The following MYRIP variants were observed in gnomAD, a reference collection of about 807,000 sequenced individuals.
MYRIP encodes the protein rab effector MyRIP.
Under a neutral mutation model 98.0 loss-of-function variants are expected in MYRIP, and 49 were observed. The observed-to-expected ratio is 0.50, with a 90% CI of 0.40 to 0.63. The LOEUF is 0.63. MYRIP is among the 30% of genes least tolerant of loss of function. The pLI, the probability that MYRIP is intolerant of heterozygous loss-of-function variation, is 0.00. For missense variants in MYRIP, 1,004 were observed against 1,058.2 expected (o/e 0.95, Z 0.71); for synonymous variants, 404 against 409.5 (o/e 0.99, Z 0.16).
intron 2 of MYRIP, among the ~76,000 whole-genome samples, chr3:39,950,993 C>T (rs891890788): frequency 6.6e-6 from 1 of 152,126 alleles, no homozygotes; most frequent in Non-Finnish European, 1.5e-5. Flanking sequence ...CACAGAGAAA[C>T]TGGTTATTAG....
At chr3:40,058,809 G>GT (rs1559383343) in intron 3 of MYRIP, among the ~76,000 whole-genome samples, 1 of 151,916 alleles carries the variant, frequency 6.6e-6, no homozygotes, top group Non-Finnish European at 1.5e-5. Context: ...TATACTTTAA[G>GT]TTCTGGGATA....
chr3:39,882,493 A>G (rs1418054573), intron 1 of MYRIP, among the ~76,000 whole-genome samples: 2 of 152,136 alleles, frequency 1.3e-5, no homozygotes, highest in Admixed American at 6.6e-5. Flanking sequence ...TAATTTGTCT[A>G]TTTTTGTCAG....
At chr3:40,156,325 G>A (rs540435671) in intron 4 of MYRIP, among the ~76,000 whole-genome samples, 24 of 152,118 alleles carry the variant, frequency 1.6e-4, no homozygotes, top group African/African-American at 5.8e-4. Context: ...TTATTTCTGA[G>A]GGCTCTGTTC....
At chr3:40,126,865 C>T (rs1949535739) in intron 3 of MYRIP, among the ~76,000 whole-genome samples, 1 of 152,234 alleles carries the variant, frequency 6.6e-6, no homozygotes, top group Non-Finnish European at 1.5e-5. Flanking sequence ...ATCCTCAATG[C>T]TGAGCAGTCG....
At chr3:39,995,351 T>A (rs1946317006) in intron 2 of MYRIP, among the ~76,000 whole-genome samples, 1 of 152,276 alleles carries the variant, frequency 6.6e-6, no homozygotes, top group South Asian at 2.1e-4. Flanking sequence ...AAGGACCTGA[T>A]GGAGCTGAAA....
chr3:39,826,139 CTATT>C (rs1247872693), intron 1 of MYRIP, among the ~76,000 whole-genome samples: 3 of 150,874 alleles, frequency 2.0e-5, no homozygotes, highest in Middle Eastern at 3.2e-3. Context: ...TTTTTGTTAT[CTATT>C]GTATTTTTTT....
At chr3:39,845,912 T>C (rs967524469) in intron 1 of MYRIP, among the ~76,000 whole-genome samples, 2 of 148,544 alleles carry the variant, frequency 1.3e-5, no homozygotes, top group African/African-American at 5.0e-5. Context: ...AATGAACAGG[T>C]AAAAACACTT....
At chr3:40,196,919 C>T (rs1290199700) in intron 10 of MYRIP, among the ~76,000 whole-genome samples, 1 of 152,138 alleles carries the variant, frequency 6.6e-6, no homozygotes, top group African/African-American at 2.4e-5. Context: ...GATGCTTCAC[C>T]TCATGGGCCA....
At chr3:40,045,178 G>A (rs371434417) in intron 3 of MYRIP, among the ~76,000 whole-genome samples, 3 of 151,974 alleles carry the variant, frequency 2.0e-5, no homozygotes, top group East Asian at 1.9e-4. Context: ...CTGTTTACTC[G>A]CTTGTATCCT....
At chr3:40,254,580 G>A (rs1953509962) in intron 16 of MYRIP, among the ~76,000 whole-genome samples, 1 of 152,070 alleles carries the variant, frequency 6.6e-6, no homozygotes, top group Non-Finnish European at 1.5e-5. Context: ...TACAGATCTT[G>A]GAGCTCACTA....
intron 1 of MYRIP, among the ~76,000 whole-genome samples, chr3:39,863,847 A>C (rs1263603994): frequency 6.6e-6 from 1 of 152,094 alleles, no homozygotes; most frequent in African/African-American, 2.4e-5. Flanking sequence ...CAACAACAAC[A>C]ACAACAAACT....
intron 8 of MYRIP, among the ~76,000 whole-genome samples, chr3:40,177,284 C>T (rs574767357): frequency 1.6e-3 from 250 of 152,282 alleles, no homozygotes; most frequent in Admixed American, 4.2e-3. Context: ...GGAGCCAGGG[C>T]TTCCATATGA....
intron 2 of MYRIP, among the ~76,000 whole-genome samples, chr3:40,021,881 A>G (rs1947008462): frequency 6.6e-6 from 1 of 152,222 alleles, no homozygotes; most frequent in Non-Finnish European, 1.5e-5. Context: ...TGTGAAAACC[A>G]CTTGTCATCA....
At chr3:40,118,380 C>A (rs559739037) in intron 3 of MYRIP, among the ~76,000 whole-genome samples, 6 of 152,152 alleles carry the variant, frequency 3.9e-5, no homozygotes, top group South Asian at 2.1e-4. Context: ...TGCCTGTATG[C>A]AAAGGGACAG....
chr3:40,156,260 T>C (rs1378307646), intron 4 of MYRIP, among the ~76,000 whole-genome samples: 12 of 152,056 alleles, frequency 7.9e-5, no homozygotes, highest in African/African-American at 1.2e-4. Context: ...ATCCTTTCCC[T>C]ATTGCTTGTT....
At chr3:40,115,621 A>G (rs1031377761) in intron 3 of MYRIP, among the ~76,000 whole-genome samples, 2 of 152,170 alleles carry the variant, frequency 1.3e-5, no homozygotes, top group Non-Finnish European at 2.9e-5. Context: ...AAACCACATC[A>G]CTAAGGATCC....
intron 2 of MYRIP, among the ~76,000 whole-genome samples, chr3:39,921,408 C>G (rs1157073183): frequency 1.3e-5 from 2 of 152,140 alleles, no homozygotes; most frequent in Non-Finnish European, 2.9e-5. Flanking sequence ...TAACTGTTTT[C>G]AAGGGAATAT....
chr3:39,841,887 C>T (rs1941810258), intron 1 of MYRIP, among the ~76,000 whole-genome samples: 1 of 152,210 alleles, frequency 6.6e-6, no homozygotes, highest in African/African-American at 2.4e-5. Context: ...TATAAGGTGT[C>T]TGTCAACCCC....
At chr3:40,250,178 T>A (rs9845831) in intron 13 of MYRIP, 44 bp from the exon 14 acceptor site, 2 of 1,468,708 alleles carry the variant, frequency 1.4e-6, no homozygotes, top group East Asian at 2.3e-5. Flanking sequence ...ATTTTCCCCT[T>A]CCGTATTTTC....
Sources: gnomAD v4.1 joint callset for allele counts (sites outside exome capture counted in the v4.1 genomes callset) on GRCh38, gnomAD v4.1.1 for gene constraint, MANE v1.5 for transcripts, NCBI Gene and HGNC (gene_info 2026-07-23, HGNC 2026-07-21) for gene names.